The following AAK1 variants were observed in gnomAD, a reference collection of about 807,000 sequenced individuals.
AAK1 encodes the protein AP2 associated kinase 1.
A neutral mutation model predicts 116.0 loss-of-function variants in AAK1; 37 were observed. The observed-to-expected ratio is 0.32, with a 90% CI of 0.25 to 0.42. The LOEUF (loss-of-function observed/expected upper bound fraction) is 0.42, where lower values mean the gene tolerates loss of function less well. AAK1 is among the 10% of genes least tolerant of loss of function. AAK1 has a pLI of 1.00. For missense variants in AAK1, 919 were observed against 1,170.6 expected, an observed-to-expected ratio of 0.79 and a Z score of 3.14; for synonymous variants, 458 against 439.9, an observed-to-expected ratio of 1.04 and a Z score of -0.51.
At chr2:69,513,036 T>C (rs1676450422) in intron 13 of AAK1, among the ~76,000 whole-genome samples, 1 of 152,214 alleles carries the variant, frequency 6.6e-6, no homozygotes, top group East Asian at 1.9e-4. Context: ...AACTGAATAA[T>C]TAAGGTCCCT....
intron 2 of AAK1, among the ~76,000 whole-genome samples, chr2:69,640,051 A>ACTCTCTCT (rs34183429): frequency 2.0e-5 from 2 of 100,748 alleles, no homozygotes; most frequent in South Asian, 3.0e-4. Flanking sequence ...ACACACACAC[A>ACTCTCTCT]CACTCTCTCT....
chr2:69,475,858 C>G lies in AAK1; in HGVS notation c.*11G>C. ...GAAGGTTACAGAACTGCATCTGCTA[C>G]TGGGTCACGGCTACAGGTCTATGAG... On this transcript the variant is annotated 3_prime_UTR_variant, in exon 22 of 22. Coordinates refer to ENST00000409085, the MANE Select transcript of AAK1 (RefSeq NM_014911.5). 1 of 1,609,444 alleles carries G rather than the reference C, an allele frequency of 6.2e-7. No individual in the cohort carries two copies. Among genetic ancestry groups the G allele is most frequent in the Non-Finnish European group, 8.5e-7 (1 of 1,177,860 alleles).
intron 2 of AAK1, among the ~76,000 whole-genome samples, chr2:69,640,053 A>ACACACACACT (rs1343518565): frequency 2.2e-5 from 2 of 92,790 alleles, no homozygotes; most frequent in East Asian, 3.0e-4. Flanking sequence ...ACACACACAC[A>ACACACACACT]CTCTCTCTCT....
At chr2:69,607,046 CAA>C (rs61156108) in intron 2 of AAK1, among the ~76,000 whole-genome samples, 1,380 of 68,770 alleles carry the variant, frequency 0.02, 19 homozygotes, top group African/African-American at 0.051. Context: ...AGTCTTGCCT[CAA>C]AAAAAAAAAA....
chr2:69,521,159 AG>A (rs769807448), intron 10 of AAK1, among the ~76,000 whole-genome samples, 171 bp from the exon 11 acceptor site: 1 of 152,242 alleles, frequency 6.6e-6, no homozygotes, highest in Non-Finnish European at 1.5e-5. Flanking sequence ...ACCTTCTGAA[AG>A]TAGGCTTGGT....
At chr2:69,587,015 C>T (rs1053737305) in intron 2 of AAK1, among the ~76,000 whole-genome samples, 1 of 152,106 alleles carries the variant, frequency 6.6e-6, no homozygotes, top group Admixed American at 6.6e-5. Context: ...TCCATATCTT[C>T]TGCCTTTCTG....
chr2:69,641,581 A>C (rs1022201570), intron 2 of AAK1, among the ~76,000 whole-genome samples: 2 of 152,172 alleles, frequency 1.3e-5, no homozygotes, highest in Non-Finnish European at 2.9e-5. Flanking sequence ...TTTAAAGTAC[A>C]GACTTCAACT....
rs758643533 is a variant in AAK1, at chr2:69,468,436, A to G, written c.*7433T>C. 40 of 985,334 alleles carry G rather than the reference A, an allele frequency of 4.1e-5. No homozygotes were observed. The highest frequency in any genetic ancestry group is 4.7e-5 in the Non-Finnish European group (39 of 829,938). The allele number at this position is 985,334 out of a possible 1,614,324, so 61.0% of individuals were successfully genotyped here. On this transcript the variant is annotated 3_prime_UTR_variant, in exon 22 of 22. Coordinates refer to ENST00000409085, the MANE Select transcript of AAK1 (RefSeq NM_014911.5). ...ACCTTCCTCACATAGTATCAGTTGG[A>G]CAAAGTTTTCAGTTGCCAAAACAAA...
rs1674786479 is a variant in AAK1, at chr2:69,474,615, A to G, written c.*1254T>C. 5 of 985,388 alleles carry G rather than the reference A, an allele frequency of 5.1e-6. No homozygotes were observed. Among genetic ancestry groups the G allele is most frequent in the South Asian group, 4.7e-5 (1 of 21,270 alleles). The allele number at this position is 985,388 out of a possible 1,614,324, so 61.0% of individuals were successfully genotyped here. Reference sequence around the variant, plus strand: ...CTGCAGCCTTCAATTTAAACATCAGAAAGAAAGGTAAGCTGGGCACACCCA... The same window carrying G: ...CTGCAGCCTTCAATTTAAACATCAGGAAGAAAGGTAAGCTGGGCACACCCA... On this transcript the variant is annotated 3_prime_UTR_variant, in exon 22 of 22. Transcript: ENST00000409085.
intron 2 of AAK1, among the ~76,000 whole-genome samples, chr2:69,628,222 G>C (rs567553393): frequency 7.9e-5 from 12 of 152,048 alleles, no homozygotes; most frequent in African/African-American, 2.7e-4. Flanking sequence ...GAGGTGGGAG[G>C]ACTGCTTAAA....
chr2:69,631,330 T>C (rs928228586), intron 2 of AAK1, among the ~76,000 whole-genome samples: 7 of 152,250 alleles, frequency 4.6e-5, no homozygotes, highest in Admixed American at 2.0e-4. Context: ...TATGTTGCTT[T>C]CTACAGGATT....
intron 2 of AAK1, among the ~76,000 whole-genome samples, chr2:69,636,391 T>C (rs1171260955): frequency 6.6e-6 from 1 of 152,264 alleles, no homozygotes; most frequent in Admixed American, 6.5e-5. Flanking sequence ...CTATCATTTA[T>C]GATGAACTTC....
intron 2 of AAK1, among the ~76,000 whole-genome samples, 188 bp downstream of exon 2, chr2:69,642,690 C>G (rs1040101334): frequency 6.6e-6 from 1 of 152,188 alleles, no homozygotes; most frequent in African/African-American, 2.4e-5. Flanking sequence ...CCTCCCCACA[C>G]CCCCATAAGC....
chr2:69,481,934 G>C (rs1409578078), intron 18 of AAK1: 1 of 152,156 alleles, frequency 6.6e-6, no homozygotes, highest in Non-Finnish European at 1.5e-5. Flanking sequence ...GCCTCCCAAA[G>C]AGCTGGTAGC....
chr2:69,583,638 C>T (rs541090806), intron 2 of AAK1, among the ~76,000 whole-genome samples: 2 of 152,296 alleles, frequency 1.3e-5, no homozygotes, highest in Admixed American at 6.5e-5. Context: ...CCAAAGAGCC[C>T]GTTCAGCATT....
intron 5 of AAK1, among the ~76,000 whole-genome samples, chr2:69,533,463 T>C (rs1450761697): frequency 6.6e-6 from 1 of 152,198 alleles, no homozygotes; most frequent in Non-Finnish European, 1.5e-5. Flanking sequence ...GTTTCTATAC[T>C]TTCTTTTAAT....
chr2:69,560,741 G>A (rs899752013), intron 2 of AAK1, among the ~76,000 whole-genome samples: 1 of 152,174 alleles, frequency 6.6e-6, no homozygotes, highest in African/African-American at 2.4e-5. Flanking sequence ...TGATGGAGAT[G>A]TGGATGGCTA....
chr2:69,544,335 TATC>T, intron 4 of AAK1, 98 bp downstream of exon 4: 1 of 855,240 alleles, frequency 1.2e-6, no homozygotes, highest in Non-Finnish European at 1.9e-6. Flanking sequence ...AACCAGAACA[TATC>T]ATAGAGTGCA....
At chr2:69,596,302 C>A (rs368490608) in intron 2 of AAK1, among the ~76,000 whole-genome samples, 7 of 151,186 alleles carry the variant, frequency 4.6e-5, no homozygotes, top group African/African-American at 1.7e-4. Flanking sequence ...CTCACTGAGA[C>A]CTTGGCCTCC....
Sources: allele counts gnomAD v4.1 joint callset (sites outside exome capture counted in the v4.1 genomes callset), GRCh38; gene constraint gnomAD v4.1.1; transcripts MANE v1.5; gene names NCBI Gene and HGNC (gene_info 2026-07-23, HGNC 2026-07-21).